The following NAV3 variants were observed in gnomAD, a reference collection of about 807,000 sequenced individuals.
NAV3 encodes neuron navigator 3.
A neutral mutation model predicts 244.7 loss-of-function variants in NAV3; 87 were observed. That is an observed-to-expected ratio of 0.36 (90% CI 0.30 to 0.42). NAV3 has a LOEUF of 0.42. NAV3 is among the 20% of genes least tolerant of loss of function. NAV3 has a pLI of 1.00. For missense variants in NAV3, 2,663 were observed against 2,893.3 expected, an observed-to-expected ratio of 0.92 and a Z score of 1.83; for synonymous variants, 1,126 against 1,042.2, an observed-to-expected ratio of 1.08 and a Z score of -1.55.
chr12:77,620,784 G>A (rs1161711945), intron 2 of NAV3, among the ~76,000 whole-genome samples: 2 of 152,030 alleles, frequency 1.3e-5, no homozygotes, highest in Admixed American at 6.6e-5. Context: ...CTAGGAAAAA[G>A]GAACCAAGAT....
intron 30 of NAV3, among the ~76,000 whole-genome samples, chr12:78,181,695 T>A (rs1237559382): frequency 6.6e-6 from 1 of 152,052 alleles, no homozygotes; most frequent in Non-Finnish European, 1.5e-5. Flanking sequence ...GAATTTAGTC[T>A]ATATAATATT....
chr12:77,666,552 G>A (rs770666130), intron 2 of NAV3, among the ~76,000 whole-genome samples: 1 of 152,108 alleles, frequency 6.6e-6, no homozygotes, highest in Non-Finnish European at 1.5e-5. Context: ...CGCATTCTGA[G>A]AATAAATTCA....
chr12:77,874,495 T>A (rs975833220), intron 1 of NAV3, among the ~76,000 whole-genome samples: 1 of 152,108 alleles, frequency 6.6e-6, no homozygotes, highest in African/African-American at 2.4e-5. Flanking sequence ...ACAGGCATGA[T>A]TCAGTATGCT....
chr12:78,064,800 C>G (rs750719205), intron 12 of NAV3, among the ~76,000 whole-genome samples: 1 of 151,730 alleles, frequency 6.6e-6, no homozygotes, highest in Non-Finnish European at 1.5e-5. Context: ...AAAATTAGCT[C>G]GTATACAAGC....
intron 21 of NAV3, 158 bp from the exon 22 acceptor site, chr12:78,148,684 C>A: frequency 1.7e-6 from 1 of 605,266 alleles, no homozygotes; most frequent in Admixed American, 3.1e-5. Flanking sequence ...TTGCTTGTTA[C>A]TGTGGAGTCA....
At chr12:78,027,763 G>A (rs191422678) in intron 9 of NAV3, among the ~76,000 whole-genome samples, 1 of 152,242 alleles carries the variant, frequency 6.6e-6, no homozygotes, top group Admixed American at 6.5e-5. Flanking sequence ...GCCAATGGCA[G>A]GTTCCCCACA....
intron 2 of NAV3, among the ~76,000 whole-genome samples, chr12:77,784,318 G>C (rs1373003886): frequency 1.3e-5 from 2 of 152,086 alleles, no homozygotes; most frequent in African/African-American, 2.4e-5. Flanking sequence ...TAGAACACTG[G>C]ACTCAGAACA....
At chr12:77,711,052 C>T (rs1565782042) in intron 2 of NAV3, among the ~76,000 whole-genome samples, 1 of 152,184 alleles carries the variant, frequency 6.6e-6, no homozygotes, top group African/African-American at 2.4e-5. Flanking sequence ...TCACTTTGCA[C>T]TTCTCAAATA....
At chr12:77,818,836 A>G (rs531240850) in intron 2 of NAV3, among the ~76,000 whole-genome samples, 1 of 152,266 alleles carries the variant, frequency 6.6e-6, no homozygotes, top group East Asian at 1.9e-4. Flanking sequence ...ACTTATATAA[A>G]GAATATGAAA....
intron 12 of NAV3, among the ~76,000 whole-genome samples, chr12:78,084,694 CT>C (rs1304574602): frequency 6.6e-6 from 1 of 152,072 alleles, no homozygotes; most frequent in Non-Finnish European, 1.5e-5. Flanking sequence ...GTTGAATCCA[CT>C]CCATTCAGTG....
intron 2 of NAV3, among the ~76,000 whole-genome samples, chr12:77,586,565 G>A (rs696451): frequency 0.39 from 59,353 of 151,884 alleles, 11,772 homozygotes; most frequent in Middle Eastern, 0.53. Context: ...GTCTTAGAGA[G>A]CATCTACTAG....
At chr12:77,624,848 A>C (rs1248786918) in intron 2 of NAV3, among the ~76,000 whole-genome samples, 2 of 152,136 alleles carry the variant, frequency 1.3e-5, no homozygotes, top group Admixed American at 6.6e-5. Context: ...TCAGTGGCTT[A>C]TTTTAGATTG....
At chr12:77,860,393 T>C (rs1229791679) in intron 1 of NAV3, among the ~76,000 whole-genome samples, 1 of 150,956 alleles carries the variant, frequency 6.6e-6, no homozygotes, top group Non-Finnish European at 1.5e-5. Flanking sequence ...AAGTGAAGTA[T>C]ATATATAAAT....
At chr12:77,646,555 G>C (rs1357974903) in intron 2 of NAV3, among the ~76,000 whole-genome samples, 1 of 152,114 alleles carries the variant, frequency 6.6e-6, no homozygotes, top group African/African-American at 2.4e-5. Flanking sequence ...GGAAAGAAGA[G>C]CTTGAACAAA....
chr12:77,757,903 C>G (rs1221099180), intron 2 of NAV3, among the ~76,000 whole-genome samples: 1 of 152,168 alleles, frequency 6.6e-6, no homozygotes, highest in Admixed American at 6.5e-5. Flanking sequence ...CCATCAGAAC[C>G]TTCTGAGACC....
intron 1 of NAV3, among the ~76,000 whole-genome samples, chr12:77,934,375 C>T (rs1477471748): frequency 6.6e-6 from 1 of 152,140 alleles, no homozygotes; most frequent in Non-Finnish European, 1.5e-5. Flanking sequence ...TTCTTTCTTC[C>T]AGAAAATTCC....
chr12:77,793,789 T>C (rs576060563), intron 2 of NAV3, among the ~76,000 whole-genome samples: 3 of 152,362 alleles, frequency 2.0e-5, no homozygotes, highest in East Asian at 1.9e-4. Flanking sequence ...AACATACATG[T>C]GCATGTGTCT....
chr12:77,879,247 G>C (rs1356998820), intron 1 of NAV3, among the ~76,000 whole-genome samples: 1 of 152,128 alleles, frequency 6.6e-6, no homozygotes, highest in African/African-American at 2.4e-5. Flanking sequence ...AGAGCAGCAA[G>C]TTGTTTAGTA....
At chr12:77,707,698 A>T (rs1362551283) in intron 2 of NAV3, among the ~76,000 whole-genome samples, 5 of 152,080 alleles carry the variant, frequency 3.3e-5, no homozygotes, top group African/African-American at 1.2e-4. Flanking sequence ...AGTGTTCCTA[A>T]TTCTCCACAT....
Sources: allele counts gnomAD v4.1 joint callset (sites outside exome capture counted in the v4.1 genomes callset), GRCh38; gene constraint gnomAD v4.1.1; transcripts MANE v1.5; gene names NCBI Gene and HGNC (gene_info 2026-07-23, HGNC 2026-07-21).